NTM: variants seen among roughly 807,000 people sequenced by gnomAD.
NTM encodes the protein neurotrimin.
A neutral mutation model predicts 42.1 loss-of-function variants in NTM; 13 were observed. The ratio of observed to expected loss-of-function variants is 0.31; its 90% confidence interval spans 0.20 to 0.49. The LOEUF (loss-of-function observed/expected upper bound fraction) is 0.49, where lower values mean the gene tolerates loss of function less well. NTM is among the 20% of genes least tolerant of loss of function. The pLI is 0.99. For synonymous variants in NTM, 187 were observed against 179.2 expected, an observed-to-expected ratio of 1.04 and a Z score of -0.35; for missense variants, 373 against 452.8, an observed-to-expected ratio of 0.82 and a Z score of 1.60.
intron 1 of NTM, among the ~76,000 whole-genome samples, chr11:131,698,373 C>T (rs1235195340): frequency 1.3e-5 from 2 of 152,150 alleles, no homozygotes; most frequent in Admixed American, 6.5e-5. Flanking sequence ...CTCTTGCAAT[C>T]ATAATCATCA....
intron 1 of NTM, among the ~76,000 whole-genome samples, chr11:131,813,901 T>C (rs924687671): frequency 2.8e-4 from 42 of 152,118 alleles, no homozygotes; most frequent in African/African-American, 9.4e-4. Context: ...ATTCTCCTCA[T>C]TCGTAACAGT....
chr11:131,570,856 T>G (rs950027157), intron 1 of NTM, among the ~76,000 whole-genome samples: 1 of 152,186 alleles, frequency 6.6e-6, no homozygotes, highest in Non-Finnish European at 1.5e-5. Flanking sequence ...TAATAAAAAT[T>G]ATTCAGTAAA....
intron 1 of NTM, among the ~76,000 whole-genome samples, chr11:131,481,083 G>T (rs1021493102): frequency 6.6e-6 from 1 of 152,148 alleles, no homozygotes; most frequent in African/African-American, 2.4e-5. Context: ...AGTAGAGTAG[G>T]TAGAAATGGA....
chr11:132,095,349 C>T (rs1314895440), intron 2 of NTM, among the ~76,000 whole-genome samples: 2 of 152,094 alleles, frequency 1.3e-5, no homozygotes, highest in Admixed American at 1.3e-4. Flanking sequence ...GTTGCAGGAG[C>T]CCCTCCACAG....
At chr11:131,575,439 C>T (rs78891761) in intron 1 of NTM, among the ~76,000 whole-genome samples, 2,094 of 152,232 alleles carry the variant, frequency 0.014, 51 homozygotes, top group African/African-American at 0.047. Context: ...TATGGCAGTA[C>T]ACAACATATA....
At chr11:131,529,986 T>A (rs1565605524) in intron 1 of NTM, among the ~76,000 whole-genome samples, 1 of 152,180 alleles carries the variant, frequency 6.6e-6, no homozygotes, top group Non-Finnish European at 1.5e-5. Context: ...AAGTGCCTTC[T>A]AGAAAGAGGC....
chr11:131,626,745 C>A (rs2063143453), intron 1 of NTM, among the ~76,000 whole-genome samples: 1 of 152,234 alleles, frequency 6.6e-6, no homozygotes, highest in Admixed American at 6.5e-5. Flanking sequence ...CCATCTGTGA[C>A]CTGCAGCTAG....
chr11:132,227,353 C>T (rs545119786), intron 4 of NTM, among the ~76,000 whole-genome samples: 20 of 151,998 alleles, frequency 1.3e-4, no homozygotes, highest in South Asian at 4.2e-4. Flanking sequence ...CTGATGAAGA[C>T]GGTAGATAAA....
intron 3 of NTM, among the ~76,000 whole-genome samples, chr11:132,204,299 T>C (rs895907420): frequency 1.3e-5 from 2 of 152,250 alleles, no homozygotes; most frequent in South Asian, 4.1e-4. Flanking sequence ...GGAAATTCAG[T>C]CATTTCAATT....
At chr11:131,657,201 A>T (rs1436214109) in intron 1 of NTM, among the ~76,000 whole-genome samples, 1 of 150,330 alleles carries the variant, frequency 6.7e-6, no homozygotes, top group Non-Finnish European at 1.5e-5. Flanking sequence ...CCTTGAGTGG[A>T]GGCCCAGCAT....
chr11:132,202,319 C>T (rs1424908314), intron 3 of NTM, among the ~76,000 whole-genome samples: 2 of 152,256 alleles, frequency 1.3e-5, no homozygotes, highest in South Asian at 2.1e-4. Context: ...GCAAAGTGCT[C>T]GGAATAGAAG....
intron 2 of NTM, among the ~76,000 whole-genome samples, chr11:131,992,467 G>A (rs759865713): frequency 2.0e-5 from 3 of 151,984 alleles, no homozygotes; most frequent in East Asian, 1.9e-4. Context: ...AAGTTCAGCT[G>A]TAGAATGAGC....
In NTM at chr11:132,314,581, T is replaced by G; in HGVS notation, c.812T>G (p.Val271Gly). 6.2e-7 allele frequency: 1 copy of G among 1,613,408 alleles called. No individual in the cohort carries two copies. The highest frequency in any genetic ancestry group is 8.5e-7 in the Non-Finnish European group (1 of 1,179,676). Residue 271 changes from valine to glycine, a missense_variant, in exon 7 of 9, where the codon GTG becomes GGG. Val to Gly is a moderately radical substitution (Grantham distance 109). Around this residue, in one of 3 missense-constraint regions of NTM, gnomAD observed 312 missense variants for 353.5 expected, o/e 0.88. Coordinates refer to ENST00000683400, the MANE Select transcript of NTM (RefSeq NM_001352005.2). Reference sequence around the variant, plus strand: ...ATTGAAGGAAAGAAAGGGGTGAAAGTGGAAAACAGACCTTTCCTCTCAAAA... The same window carrying G: ...ATTGAAGGAAAGAAAGGGGTGAAAGGGGAAAACAGACCTTTCCTCTCAAAA... ...RLIEGKKGVK[V>G]ENRPFLSKLI... is the part of the protein sequence containing the mutation.
chr11:131,862,831 G>C (rs2046780656), intron 1 of NTM, among the ~76,000 whole-genome samples: 1 of 152,194 alleles, frequency 6.6e-6, no homozygotes, highest in Non-Finnish European at 1.5e-5. Context: ...AAAACATATA[G>C]AGACAATCTC....
At chr11:131,374,749 T>G (rs1010070413) in intron 1 of NTM, among the ~76,000 whole-genome samples, 1 of 152,192 alleles carries the variant, frequency 6.6e-6, no homozygotes, top group Non-Finnish European at 1.5e-5. Flanking sequence ...AACTTGTCCC[T>G]TGGGATGAAG....
intron 1 of NTM, among the ~76,000 whole-genome samples, chr11:131,793,551 C>G (rs1049271132): frequency 6.6e-6 from 1 of 152,176 alleles, no homozygotes; most frequent in African/African-American, 2.4e-5. Flanking sequence ...TTTCTCAAAG[C>G]CATAGCACCT....
intron 1 of NTM, among the ~76,000 whole-genome samples, chr11:131,711,551 A>T (rs1221887249): frequency 6.6e-5 from 10 of 152,308 alleles, no homozygotes; most frequent in Non-Finnish European, 5.9e-5. Flanking sequence ...AACTAATTCA[A>T]CCATTGTGGA....
intron 2 of NTM, among the ~76,000 whole-genome samples, chr11:132,009,756 T>C (rs2071678119): frequency 6.6e-6 from 1 of 152,218 alleles, no homozygotes; most frequent in Non-Finnish European, 1.5e-5. Flanking sequence ...TCATGAGACG[T>C]GATGGGTTAT....
intron 1 of NTM, among the ~76,000 whole-genome samples, chr11:131,493,082 G>T (rs1264866015): frequency 1.3e-5 from 2 of 151,968 alleles, no homozygotes; most frequent in East Asian, 3.9e-4. Context: ...ACAAAAATTA[G>T]CTGGGCTTGG....
Sources: gnomAD v4.1 joint callset for allele counts (sites outside exome capture counted in the v4.1 genomes callset) on GRCh38, gnomAD v4.1.1 for gene constraint, gnomAD v4.1.1 regional missense constraint, MANE v1.5 for transcripts, NCBI Gene and HGNC (gene_info 2026-07-23, HGNC 2026-07-21) for gene names.